The following F13A1 variants were observed in gnomAD, a reference collection of about 807,000 sequenced individuals.
F13A1 encodes coagulation factor XIII A chain.
F13A1 carries 47 observed loss-of-function variants against 80.1 expected under a neutral mutation model. The ratio of observed to expected loss-of-function variants is 0.59; its 90% confidence interval spans 0.46 to 0.75. The LOEUF is 0.75. Among genes scored for constraint, F13A1 ranks in the 30% least tolerant of loss-of-function variants. The pLI is 0.00. For missense variants in F13A1, 817 were observed against 930.4 expected, an observed-to-expected ratio of 0.88 and a Z score of 1.59; for synonymous variants, 349 against 344.9, an observed-to-expected ratio of 1.01 and a Z score of -0.13.
chr6:6,214,463 G>C (rs1285228744), intron 8 of F13A1, among the ~76,000 whole-genome samples: 1 of 113,620 alleles, frequency 8.8e-6, no homozygotes, highest in Non-Finnish European at 1.9e-5. Flanking sequence ...CAGAAATAAA[G>C]ATGTTCTTTG....
intron 8 of F13A1, among the ~76,000 whole-genome samples, chr6:6,197,935 GCTGA>G (rs919484192): frequency 2.3e-5 from 2 of 87,388 alleles, no homozygotes; most frequent in Admixed American, 9.1e-5. Context: ...ACCATTTTCT[GCTGA>G]CTAACGAAAC....
At position 6,174,681 on chromosome 6, in the gene F13A1, G is replaced by T; in HGVS notation, c.1646C>A (p.Thr549Asn). The change falls in exon 12 of 15, where the codon ACC (threonine) becomes AAC (asparagine). Residue 549 changes from threonine (T) to asparagine (N), a missense_variant. By Grantham distance (65) the Thr-to-Asn change is moderately conservative (BLOSUM62 0). Transcript: ENST00000264870. ...TFRNNSHNRY[T>N]ITAYLSANIT... ...GTTGGCTGAGAGATAAGCTGTGATG[G>T]TGTAACGGTTGTGGCTGTTGTTCCG... 6.2e-7 allele frequency: 1 copy of T among 1,614,212 alleles called. No individual in the cohort carries two copies. Among genetic ancestry groups the T allele is most frequent in the Non-Finnish European group, 8.5e-7 (1 of 1,180,036 alleles).
At chr6:6,317,261 T>C (rs1758698344) in intron 2 of F13A1, among the ~76,000 whole-genome samples, 1 of 152,198 alleles carries the variant, frequency 6.6e-6, no homozygotes, top group Admixed American at 6.5e-5. Flanking sequence ...AGCCTCTATT[T>C]CCTAACATAT....
At chr6:6,185,528 A>G (rs1462251404) in intron 10 of F13A1, among the ~76,000 whole-genome samples, 2 of 151,850 alleles carry the variant, frequency 1.3e-5, no homozygotes, top group African/African-American at 4.8e-5. Flanking sequence ...AATTTCATCC[A>G]TGTCCCTACA....
chr6:6,254,647 G>T (rs565861671), intron 4 of F13A1, among the ~76,000 whole-genome samples: 1 of 152,200 alleles, frequency 6.6e-6, no homozygotes, highest in South Asian at 2.1e-4. Flanking sequence ...TTTTCCCTGG[G>T]GATTCTCTAG....
At position 6,145,668 on chromosome 6, in the gene F13A1, T is replaced by C; in HGVS notation, c.2150A>G (p.His717Arg). The C allele has an allele frequency of 1.2e-6, 2 of 1,614,144 alleles. No homozygotes were observed. The highest frequency in any genetic ancestry group is 1.7e-6 in the Non-Finnish European group (2 of 1,180,004). The change falls in exon 15 of 15, where the codon CAT becomes CGT. Residue 717 changes from histidine to arginine, a missense_variant. Coordinates refer to ENST00000264870, the MANE Select transcript of F13A1 (RefSeq NM_000129.4). Reference protein sequence around the residue: ...IASMSSDSLRHVYGELDVQIQ... With the variant: ...IASMSSDSLRRVYGELDVQIQ... Reference sequence around the variant, plus strand: ...CTGCACGTCCAGCTCGCCATACACATGTCTCAGGGAGTCACTGCTCATGCT... The same window carrying C: ...CTGCACGTCCAGCTCGCCATACACACGTCTCAGGGAGTCACTGCTCATGCT...
intron 5 of F13A1, among the ~76,000 whole-genome samples, chr6:6,248,805 T>C (rs754226737): frequency 1.3e-5 from 2 of 152,200 alleles, no homozygotes; most frequent in Non-Finnish European, 2.9e-5. Flanking sequence ...TCTTAGGACC[T>C]CGAAAGTAAT....
At chr6:6,234,811 C>A (rs1039923626) in intron 6 of F13A1, among the ~76,000 whole-genome samples, 1 of 151,890 alleles carries the variant, frequency 6.6e-6, no homozygotes, top group Non-Finnish European at 1.5e-5. Flanking sequence ...TTAATAATTT[C>A]TTCTGTTGCA....
intron 3 of F13A1, among the ~76,000 whole-genome samples, chr6:6,278,687 G>A (rs1758021693): frequency 1.3e-5 from 2 of 151,730 alleles, no homozygotes; most frequent in Non-Finnish European, 2.9e-5. Flanking sequence ...GACGCCTGGA[G>A]CAGAGGGAAT....
chr6:6,185,882 T>G (rs1301330231), intron 10 of F13A1, among the ~76,000 whole-genome samples: 3 of 151,308 alleles, frequency 2.0e-5, no homozygotes, highest in African/African-American at 7.3e-5. Context: ...CTCCAGCACC[T>G]GTTGTTTCCT....
intron 13 of F13A1, among the ~76,000 whole-genome samples, chr6:6,163,536 A>G (rs916942557): frequency 1.3e-5 from 2 of 152,032 alleles, no homozygotes; most frequent in Admixed American, 6.6e-5. Flanking sequence ...GTTTCCCTCT[A>G]TATATCCACA....
rs547023121 is a variant in F13A1, at chr6:6,145,323, G to A, written c.*296C>T. On this transcript the variant is annotated 3_prime_UTR_variant, in exon 15 of 15. Transcript: ENST00000264870. Reference sequence around the variant, plus strand: ...GAGCCCACTGATATTTGGAGATGTAGCCATTTGTGATGATAAATGATGACT... The same window carrying A: ...GAGCCCACTGATATTTGGAGATGTAACCATTTGTGATGATAAATGATGACT... 1 of 413,804 alleles carries A rather than the reference G, an allele frequency of 2.4e-6. No individual in the cohort carries two copies. The highest frequency in any genetic ancestry group is 5.4e-5 in the East Asian group (1 of 18,462). The allele number at this position is 413,804 out of a possible 1,614,324, so 25.6% of individuals were successfully genotyped here. A position where few individuals can be genotyped will look rare whatever the true frequency, so the allele number is the denominator to read the frequency against.
chr6:6,175,275 C>T (rs1760862256), intron 11 of F13A1, among the ~76,000 whole-genome samples: 1 of 152,142 alleles, frequency 6.6e-6, no homozygotes, highest in Non-Finnish European at 1.5e-5. Context: ...CTTGCCATTC[C>T]ACCTCCTGCA....
chr6:6,268,170 T>A (rs62408031), intron 3 of F13A1, among the ~76,000 whole-genome samples: 14,245 of 152,296 alleles, frequency 0.094, 762 homozygotes, highest in African/African-American at 0.1. Context: ...TGCTAGACAT[T>A]ATCCTAAGTG....
intron 6 of F13A1, among the ~76,000 whole-genome samples, chr6:6,226,934 G>A (rs767570699): frequency 1.5e-4 from 23 of 152,158 alleles, no homozygotes; most frequent in South Asian, 8.3e-4. Context: ...GTGATGCTGG[G>A]GGGCCTAATA....
intron 6 of F13A1, among the ~76,000 whole-genome samples, chr6:6,233,716 T>A (rs551564142): frequency 2.0e-5 from 3 of 152,070 alleles, no homozygotes; most frequent in Admixed American, 6.6e-5. Context: ...ACTAGCTAAC[T>A]GAATCCAACA....
rs530406123 is a variant in F13A1, at chr6:6,197,135, G to C, written c.1216+88C>G. The C allele has an allele frequency of 2.4e-6, 3 of 1,241,724 alleles. No homozygotes were observed. The South Asian group carries it at 3.7e-5, about 15-fold the overall frequency. 76.9% of individuals were successfully genotyped at this position (1,241,724 alleles called of 1,614,324 possible). ...CACTTCAGATGTTGCCTCCCAATGG[G>C]CGTGGTTCCCACACATCAAATGCAA... On this transcript the variant is annotated intron_variant, in intron 9 of 14. Coordinates refer to ENST00000264870, the MANE Select transcript of F13A1 (RefSeq NM_000129.4).
At chr6:6,275,359 T>A (rs1360479752) in intron 3 of F13A1, among the ~76,000 whole-genome samples, 4 of 70,042 alleles carry the variant, frequency 5.7e-5, no homozygotes, top group East Asian at 5.3e-4. Context: ...CCATTTTTTT[T>A]ATTTTTTTTG....
chr6:6,224,982 T>C, intron 6 of F13A1, 122 bp from the exon 7 acceptor site: 1 of 1,030,398 alleles, frequency 9.7e-7, no homozygotes, highest in Non-Finnish European at 1.5e-6. Context: ...GTGAAAAGAG[T>C]TCCACTTCTG....
Sources: gnomAD v4.1 joint callset for allele counts (sites outside exome capture counted in the v4.1 genomes callset) on GRCh38, gnomAD v4.1.1 for gene constraint, MANE v1.5 for transcripts, NCBI Gene and HGNC (gene_info 2026-07-23, HGNC 2026-07-21) for gene names.